KCNG2: variants seen among roughly 807,000 people sequenced by gnomAD.
The protein encoded by KCNG2 is potassium voltage-gated channel modifier subfamily G member 2, also known as voltage-gated potassium channel regulatory subunit KCNG2.
In KCNG2, 7 loss-of-function variants were observed where a neutral mutation model predicts 12.3. The ratio of observed to expected loss-of-function variants is 0.57; its 90% CI spans 0.32 to 1.07. The LOEUF is 1.07. Among genes scored for constraint, KCNG2 ranks in the 50% least tolerant of loss-of-function variants. The pLI, the probability that KCNG2 is intolerant of heterozygous loss-of-function variation, is 0.04. For synonymous variants in KCNG2, 414 were observed against 351.4 expected, an observed-to-expected ratio of 1.18 and a Z score of -1.99; for missense variants, 703 against 726.0, an observed-to-expected ratio of 0.97 and a Z score of 0.36.
intron 3 of KCNG2, among the ~76,000 whole-genome samples, chr18:79,879,565 A>T (rs1980213001): frequency 6.6e-6 from 1 of 152,250 alleles, no homozygotes; most frequent in Non-Finnish European, 1.5e-5. Flanking sequence ...AAAAAGAAGT[A>T]GTACACATTT....
intron 1 of KCNG2, among the ~76,000 whole-genome samples, chr18:79,843,696 A>T (rs913462657): frequency 1.3e-5 from 2 of 152,124 alleles, no homozygotes; most frequent in African/African-American, 4.8e-5. Context: ...TGTATGCCTC[A>T]TGGTAACTAA....
intron 1 of KCNG2, among the ~76,000 whole-genome samples, chr18:79,819,734 T>C (rs1343290669): frequency 6.6e-6 from 1 of 152,232 alleles, no homozygotes; most frequent in African/African-American, 2.4e-5. Context: ...ATTTTAACTA[T>C]TTCAAGTGGA....
At chr18:79,870,378 C>T (rs770087668) in intron 3 of KCNG2, among the ~76,000 whole-genome samples, 25 of 152,212 alleles carry the variant, frequency 1.6e-4, no homozygotes, top group Non-Finnish European at 3.5e-4. Flanking sequence ...GTCAGGATTG[C>T]ACCAGTGTTG....
chr18:79,843,871 C>A (rs1978540549), intron 1 of KCNG2, among the ~76,000 whole-genome samples: 2 of 152,288 alleles, frequency 1.3e-5, no homozygotes, highest in South Asian at 4.1e-4. Context: ...GTAGTAATTT[C>A]TAACCTATCA....
intron 3 of KCNG2, among the ~76,000 whole-genome samples, chr18:79,870,872 G>A (rs757955002): frequency 6.6e-6 from 1 of 152,198 alleles, no homozygotes; most frequent in Non-Finnish European, 1.5e-5. Context: ...AGCGAGTTTT[G>A]TGGATGCCGA....
intron 3 of KCNG2, 62 bp from the exon 4 acceptor site, chr18:79,898,978 C>G: frequency 1.6e-6 from 2 of 1,289,238 alleles, no homozygotes; most frequent in African/African-American, 1.5e-5. Flanking sequence ...AAAGGAAGGG[C>G]AAGGCGCCCC....
chr18:79,852,135 A>C (rs1409948818), intron 1 of KCNG2, among the ~76,000 whole-genome samples: 1 of 152,068 alleles, frequency 6.6e-6, no homozygotes, highest in Non-Finnish European at 1.5e-5. Flanking sequence ...TTGGGGCCGG[A>C]ATTGGGGGGA....
chr18:79,805,798 C>T (rs1031408642), intron 1 of KCNG2, among the ~76,000 whole-genome samples: 4 of 152,160 alleles, frequency 2.6e-5, no homozygotes, highest in Non-Finnish European at 5.9e-5. Context: ...AAAATGTCTC[C>T]ACCTGCTAAA....
chr18:79,857,812 C>T (rs1242102595), intron 2 of KCNG2, among the ~76,000 whole-genome samples: 2 of 151,632 alleles, frequency 1.3e-5, no homozygotes, highest in South Asian at 4.2e-4. Flanking sequence ...TTTATGTGCA[C>T]GATTCTGTGG....
At chr18:79,829,658 T>C (rs1978290590) in intron 1 of KCNG2, among the ~76,000 whole-genome samples, 1 of 152,208 alleles carries the variant, frequency 6.6e-6, no homozygotes, top group Non-Finnish European at 1.5e-5. Context: ...CCGGTCAGCC[T>C]CTGCTTCCCT....
Position 79,866,669 on chromosome 18 carries a change from G to A in KCNG2, c.624+2378G>A, listed in dbSNP as rs1489370073. On this transcript the variant is annotated intron_variant, in intron 3 of 3. Coordinates refer to ENST00000316249, the MANE Select transcript of KCNG2 (RefSeq NM_012283.2). ...TGAGAGGTCTGGGTGCTGAGGTCTG[G>A]GTGCTGAGAGGTCTGGGTGCTGAGA... is the stretch of plus-strand genomic sequence containing the variant. Among the ~76,000 whole-genome samples, 6 of 48,122 alleles carry A rather than the reference G, an allele frequency of 1.2e-4. No homozygotes were observed. The South Asian group carries it at 4.3e-3, about 34-fold the overall frequency. 31.6% of individuals were successfully genotyped at this position (48,122 alleles called of 152,430 possible). A position where few individuals can be genotyped will look rare whatever the true frequency, so the allele number is the denominator to read the frequency against.
intron 1 of KCNG2, among the ~76,000 whole-genome samples, chr18:79,841,994 T>G (rs958074464): frequency 4.6e-5 from 7 of 152,004 alleles, no homozygotes; most frequent in African/African-American, 1.7e-4. Context: ...CAATACTAGG[T>G]CCCTCCCCCT....
Position 79,884,521 on chromosome 18 carries a change from C to T in KCNG2, c.625-14519C>T, listed in dbSNP as rs1007879253. Among the ~76,000 whole-genome samples the T allele has an allele frequency of 2.6e-4, 39 of 151,756 alleles. No individual in the cohort carries two copies. The highest frequency in any genetic ancestry group is 4.7e-4 in the Non-Finnish European group (32 of 67,960). On this transcript the variant is annotated intron_variant, in intron 3 of 3. Coordinates refer to ENST00000316249, the MANE Select transcript of KCNG2 (RefSeq NM_012283.2). The surrounding 1 kb of genome is among the most constrained non-coding windows in gnomAD (Gnocchi z 5.5). The stretch of plus-strand genomic sequence containing the variant: ...GGGGGAGAGCCAGGCTGTGATGTCC[C>T]GATGCAGTGGAGGAGCAGGGCTGGG...
chr18:79,833,166 C>T (rs1978305637), intron 1 of KCNG2, among the ~76,000 whole-genome samples: 2 of 152,088 alleles, frequency 1.3e-5, no homozygotes, highest in African/African-American at 4.8e-5. Flanking sequence ...GATGGTGTCT[C>T]ACTCTGTAAC....
In KCNG2 at chr18:79,899,558, C is replaced by T. The variant is rs557508303; in HGVS notation, c.1143C>T (p.Pro381=). 32 of 1,601,590 alleles carry T rather than the reference C, an allele frequency of 2.0e-5. No individual in the cohort carries two copies. Among genetic ancestry groups the T allele is most frequent in the African/African-American group, 2.7e-5 (2 of 73,560 alleles). Reference sequence around the variant, plus strand: ...GCGACATGGTCCCGCGCAGCCTGCCCGGGCAGGTGGTGGCGCTCAGCAGCA... The same window carrying T: ...GCGACATGGTCCCGCGCAGCCTGCCTGGGCAGGTGGTGGCGCTCAGCAGCA... The part of the protein sequence containing the change: ...GYGDMVPRSL[P]GQVVALSSIL... Residue 381 remains proline, a synonymous_variant, in exon 4 of 4, where the codon CCC becomes CCT. Coordinates refer to ENST00000316249, the MANE Select transcript of KCNG2 (RefSeq NM_012283.2).
At chr18:79,887,426 C>T (rs183128393) in intron 3 of KCNG2, among the ~76,000 whole-genome samples, 2 of 152,238 alleles carry the variant, frequency 1.3e-5, no homozygotes, top group East Asian at 3.9e-4. Flanking sequence ...GTGCTGCTTC[C>T]TCTCAGCAGG....
intron 3 of KCNG2, among the ~76,000 whole-genome samples, chr18:79,887,678 C>T (rs1302654265): frequency 2.6e-5 from 4 of 152,162 alleles, no homozygotes; most frequent in East Asian, 1.9e-4. Flanking sequence ...TGGTTCAGAG[C>T]GCCTAGGCCC....
intron 1 of KCNG2, among the ~76,000 whole-genome samples, chr18:79,807,229 C>T (rs982007317): frequency 2.6e-5 from 4 of 152,124 alleles, no homozygotes; most frequent in African/African-American, 4.8e-5. Context: ...ACTGGGAGCT[C>T]GTCGCGTAGT....
intron 3 of KCNG2, among the ~76,000 whole-genome samples, chr18:79,894,574 T>G (rs544991429): frequency 9.1e-4 from 108 of 118,770 alleles, no homozygotes; most frequent in Admixed American, 2.6e-3. Context: ...CTGTGTCTGC[T>G]TTTGATTGGG....
Sources: allele counts gnomAD v4.1 joint callset (sites outside exome capture counted in the v4.1 genomes callset), GRCh38; gene constraint gnomAD v4.1.1; non-coding constraint Gnocchi (gnomAD v3.1); transcripts MANE v1.5; gene names NCBI Gene and HGNC (gene_info 2026-07-23, HGNC 2026-07-21).